Variants in ZNF385C observed in about 807,000 individuals in gnomAD.
The protein encoded by ZNF385C is zinc finger protein 385C.
A neutral mutation model predicts 35.4 loss-of-function variants in ZNF385C; 28 were observed. The ratio of observed to expected loss-of-function variants is 0.79; its 90% CI spans 0.59 to 1.08. The LOEUF (loss-of-function observed/expected upper bound fraction) is 1.08. ZNF385C is among the 50% of genes least tolerant of loss of function. The pLI, the probability that ZNF385C is intolerant of heterozygous loss-of-function variation, is 0.00. For synonymous variants in ZNF385C, 248 were observed against 248.2 expected (o/e 1.00, Z 0.01); for missense variants, 605 against 595.6 (o/e 1.02, Z -0.16).
rs574385303 is a variant in ZNF385C at position 42,042,131 on chromosome 17, C to T, written c.251-4246G>A. On this transcript the variant is annotated intron_variant, in intron 2 of 8. Coordinates refer to ENST00000692273, the MANE Select transcript of ZNF385C (RefSeq NM_001392013.1). ...TTTCCATTTCCATTCCAGCACTTTG[C>T]GGGGCCAAGGCAGGAGGATTGCTTG... Among the ~76,000 whole-genome samples, 8 of 152,140 alleles carry T rather than the reference C, an allele frequency of 5.3e-5. No individual in the cohort carries two copies. The East Asian group carries it at 1.2e-3, about 22-fold the overall frequency.
intron 5 of ZNF385C, among the ~76,000 whole-genome samples, chr17:42,030,778 C>T (rs782643844): frequency 2.5e-4 from 38 of 151,964 alleles, no homozygotes; most frequent in Non-Finnish European, 4.4e-4. Flanking sequence ...GTGACTGGTA[C>T]CCTTATAAAA....
Position 42,025,739 on chromosome 17 carries a change from T to G in ZNF385C, c.*1158A>C, listed in dbSNP as rs2052562027. 6.6e-6 allele frequency: 1 copy of G among 152,256 alleles called. No homozygotes were observed. Among genetic ancestry groups the G allele is most frequent in the African/African-American group, 2.4e-5 (1 of 41,340 alleles). The allele number at this position is 152,256 out of a possible 1,614,324, so 9.4% of individuals were successfully genotyped here. On this transcript the variant is annotated 3_prime_UTR_variant, in exon 9 of 9. Transcript: ENST00000692273. ...GGGATACTGGCAGGGTCCCATATTG[T>G]GGGGTGGGGAGGGGGCAGTGCTGCA...
At chr17:42,078,566 T>A (rs1289099109) in intron 1 of ZNF385C, among the ~76,000 whole-genome samples, 4 of 151,284 alleles carry the variant, frequency 2.6e-5, no homozygotes, top group African/African-American at 9.8e-5. Flanking sequence ...TTTGCAGTAA[T>A]CAGGATGAGA....
intron 1 of ZNF385C, among the ~76,000 whole-genome samples, chr17:42,066,591 GACTC>G (rs2053549510): frequency 1.3e-5 from 2 of 152,176 alleles, no homozygotes; most frequent in African/African-American, 4.8e-5. Context: ...GAACATCTGA[GACTC>G]ACTATGTGAT....
rs1452687446 is a variant in ZNF385C at position 42,043,120 on chromosome 17, C to T, written c.251-5235G>A. On this transcript the variant is annotated intron_variant, in intron 2 of 8. Transcript: ENST00000692273. Reference sequence around the variant, plus strand: ...GCCCTGGTTGACAGCCAGAGCCTGGCGGTGGGCTCCTGAGGTCACGTGGCG... The same window carrying T: ...GCCCTGGTTGACAGCCAGAGCCTGGTGGTGGGCTCCTGAGGTCACGTGGCG... 1.1e-5 allele frequency: 13 copies of T among 1,232,136 alleles called. No individual in the cohort carries two copies. The South Asian group carries it at 2.5e-4, about 23-fold the overall frequency. The allele number at this position is 1,232,136 out of a possible 1,614,324, so 76.3% of individuals were successfully genotyped here.
intron 2 of ZNF385C, among the ~76,000 whole-genome samples, chr17:42,048,507 T>C (rs2053216955): frequency 6.6e-6 from 1 of 152,092 alleles, no homozygotes; most frequent in South Asian, 2.1e-4. Context: ...CACATCACTG[T>C]ACTCCAGCCA....
intron 2 of ZNF385C, among the ~76,000 whole-genome samples, chr17:42,047,374 C>T (rs2053186880): frequency 6.6e-6 from 1 of 151,988 alleles, no homozygotes; most frequent in East Asian, 1.9e-4. Context: ...GGGGTTTCAC[C>T]GTGTTGACCA....
At position 42,026,950 on chromosome 17, in the gene ZNF385C, G is replaced by A. The variant is rs1555654240; in HGVS notation, c.1459C>T (p.Pro487Ser). 2 of 1,611,200 alleles carry A rather than the reference G, an allele frequency of 1.2e-6. No individual in the cohort carries two copies. The highest frequency in any genetic ancestry group is 4.5e-5 in the East Asian group (2 of 44,780). Reference sequence around the variant, plus strand: ...GTGGCAGGGCGGACAGCTCCTGCTGGGGTGCGAAACAGAGCTGGGCCCAGG... The same window carrying A: ...GTGGCAGGGCGGACAGCTCCTGCTGAGGTGCGAAACAGAGCTGGGCCCAGG... ...PILGPALFRT[P>S]AGAVRPATGP... The change falls in exon 9 of 9, where the codon CCA (proline) becomes TCA (serine). Residue 487 changes from proline to serine, a missense_variant. Coordinates refer to ENST00000692273, the MANE Select transcript of ZNF385C (RefSeq NM_001392013.1).
intron 4 of ZNF385C, among the ~76,000 whole-genome samples, chr17:42,033,194 A>C (rs781802159): frequency 2.6e-5 from 4 of 152,092 alleles, no homozygotes; most frequent in Non-Finnish European, 2.9e-5. Context: ...GCTATACCAC[A>C]GCAGTTCTGC....
In ZNF385C at chr17:42,027,055, T is replaced by C; in HGVS notation, c.1354A>G (p.Thr452Ala). 1 of 1,608,334 alleles carries C rather than the reference T, an allele frequency of 6.2e-7. No homozygotes were observed. The highest frequency in any genetic ancestry group is 1.7e-5 in the Admixed American group (1 of 59,452). The stretch of plus-strand genomic sequence containing the variant: ...GGCCCTGGCAGAGCACAGATGGCAG[T>C]GGCTGCGGTGGGGAGCGGGCTGGGC... Reference protein sequence around the residue: ...FLPSPLPTAATAICALPGPLA... With the variant: ...FLPSPLPTAAAAICALPGPLA... Residue 452 changes from threonine to alanine, a missense_variant, in exon 9 of 9, where the codon ACT becomes GCT. Thr to Ala is a moderately conservative substitution (Grantham distance 58). Coordinates refer to ENST00000692273, the MANE Select transcript of ZNF385C (RefSeq NM_001392013.1).
chr17:42,040,812 C>T (rs969419967), intron 2 of ZNF385C: 5 of 1,232,148 alleles, frequency 4.1e-6, no homozygotes, highest in East Asian at 6.3e-5. Context: ...CCAAGTAGGC[C>T]GGGGGCTCAG....
intron 1 of ZNF385C, among the ~76,000 whole-genome samples, chr17:42,098,061 C>T (rs1035894806): frequency 6.6e-6 from 1 of 152,234 alleles, no homozygotes; most frequent in Non-Finnish European, 1.5e-5. Flanking sequence ...TGAGGCATGG[C>T]GCACTCTCAG....
At chr17:42,037,928 T>C (rs1555655653) in intron 2 of ZNF385C, 43 bp from the exon 3 acceptor site, 2 of 1,546,698 alleles carry the variant, frequency 1.3e-6, no homozygotes, top group Admixed American at 3.9e-5. Flanking sequence ...GGCTCTGTCC[T>C]ACCCCCGTGG....
intron 1 of ZNF385C, among the ~76,000 whole-genome samples, chr17:42,064,057 C>A (rs1357723388): frequency 2.1e-5 from 3 of 145,644 alleles, no homozygotes; most frequent in South Asian, 2.2e-4. Context: ...TGTCCCCCAA[C>A]GCGCGCACAC....
chr17:42,038,307 CT>C, intron 2 of ZNF385C: 1 of 495,380 alleles, frequency 2.0e-6, no homozygotes, highest in South Asian at 2.7e-5. Flanking sequence ...GCCCTCGCCC[CT>C]CTCACTCTCT....
intron 2 of ZNF385C, among the ~76,000 whole-genome samples, chr17:42,042,558 C>G (rs2053050458): frequency 6.6e-6 from 1 of 152,034 alleles, no homozygotes; most frequent in South Asian, 2.1e-4. Context: ...GTGGGTCAAT[C>G]AAGCCTCCAG....
chr17:42,072,208 A>ACT (rs1567994362), intron 1 of ZNF385C, among the ~76,000 whole-genome samples: 2 of 152,084 alleles, frequency 1.3e-5, no homozygotes, highest in Admixed American at 6.5e-5. Flanking sequence ...TTCTTAAGAA[A>ACT]AGACGGTGGG....
At chr17:42,080,815 G>C (rs2053740292) in intron 1 of ZNF385C, among the ~76,000 whole-genome samples, 1 of 152,234 alleles carries the variant, frequency 6.6e-6, no homozygotes, top group African/African-American at 2.4e-5. Flanking sequence ...CACTGGTGCA[G>C]CTTCCAAGCA....
intron 4 of ZNF385C, among the ~76,000 whole-genome samples, chr17:42,032,250 C>T (rs745611957): frequency 1.3e-5 from 2 of 152,046 alleles, no homozygotes; most frequent in South Asian, 2.1e-4. Context: ...TTAGTAGAGA[C>T]GGGGTTTCAC....
Sources: gnomAD v4.1 joint callset for allele counts (sites outside exome capture counted in the v4.1 genomes callset) on GRCh38, gnomAD v4.1.1 for gene constraint, MANE v1.5 for transcripts, NCBI Gene and HGNC (gene_info 2026-07-23, HGNC 2026-07-21) for gene names.